The following KNDC1 variants were observed in gnomAD, a reference collection of about 807,000 sequenced individuals.
The protein encoded by KNDC1 is kinase non-catalytic C-lobe domain containing 1, also known as kinase non-catalytic C-lobe domain-containing protein 1.
A neutral mutation model predicts 172.8 loss-of-function variants in KNDC1; 106 were observed. The observed-to-expected ratio is 0.61, with a 90% CI of 0.52 to 0.72. The LOEUF (loss-of-function observed/expected upper bound fraction) is 0.72. Among genes scored for constraint, KNDC1 ranks in the 30% least tolerant of loss-of-function variants. KNDC1 has a pLI of 0.00. For missense variants in KNDC1, 2,325 were observed against 2,394.5 expected (o/e 0.97, Z 0.61); for synonymous variants, 1,083 against 1,062.2 (o/e 1.02, Z -0.38).
chr10:133,199,472 G>A lies in KNDC1; in HGVS notation c.2773G>A (p.Ala925Thr), dbSNP rs887053906. Reference protein sequence around the residue: ...EALIMGEYIFALKDLTFATFC... With the variant: ...EALIMGEYIFTLKDLTFATFC... ...TGCAAAACCAGGGGAGTACATCTTC[G>A]CCTTGAAAGATCTCACCTTTGCCAC... Residue 925 changes from alanine (A) to threonine (T), a missense_variant, in exon 15 of 30, where the codon GCC becomes ACC. By Grantham distance (58) the Ala-to-Thr change is moderately conservative. Transcript: ENST00000304613. 9.9e-6 allele frequency: 16 copies of A among 1,613,654 alleles called. No individual in the cohort carries two copies. The highest frequency in any genetic ancestry group is 1.3e-5 in the African/African-American group (1 of 74,928).
chr10:133,181,834 CCACACACACACA>C (rs369062586), intron 3 of KNDC1, among the ~76,000 whole-genome samples: 1 of 138,890 alleles, frequency 7.2e-6, no homozygotes, highest in African/African-American at 2.6e-5. Flanking sequence ...CCAGGACCGT[CCACACACACACA>C]CACACACACA....
At chr10:133,218,683 C>T in intron 26 of KNDC1, 148 bp from the exon 27 acceptor site, 1 of 1,033,186 alleles carries the variant, frequency 9.7e-7, no homozygotes, top group East Asian at 2.4e-5. Context: ...CACCGCTCAC[C>T]TGCGTCCACA....
chr10:133,183,395 G>A lies in KNDC1; in HGVS notation c.412G>A (p.Ala138Thr). ...ATLKAALEYVAEPTLEPRLSQ... is the reference protein window; with the variant it reads ...ATLKAALEYVTEPTLEPRLSQ... The stretch of plus-strand genomic sequence containing the variant: ...GCTGAAGGCCGCCCTCGAGTACGTG[G>A]CAGAGCCCACACTGGAACCCAGGCT... Residue 138 changes from alanine to threonine, a missense_variant, in exon 4 of 30, where the codon GCA (alanine) becomes ACA (threonine). Ala to Thr is a moderately conservative substitution (Grantham distance 58). Coordinates refer to ENST00000304613, the MANE Select transcript of KNDC1 (RefSeq NM_152643.8). 6.2e-7 allele frequency: 1 copy of A among 1,600,416 alleles called. No individual in the cohort carries two copies. Among genetic ancestry groups the A allele is most frequent in the Non-Finnish European group, 8.5e-7 (1 of 1,175,472 alleles).
At chr10:133,219,193 G>C (rs1845530558) in intron 28 of KNDC1, 103 bp downstream of exon 28, 3 of 1,382,026 alleles carry the variant, frequency 2.2e-6, no homozygotes, top group Middle Eastern at 2.5e-4. Flanking sequence ...GCACCACAGA[G>C]TGTGTGCAGG....
chr10:133,193,669 G>T (rs1283016069), intron 9 of KNDC1, among the ~76,000 whole-genome samples: 1 of 152,198 alleles, frequency 6.6e-6, no homozygotes, highest in Non-Finnish European at 1.5e-5. Flanking sequence ...ACCATGTACT[G>T]TCTACCAGAA....
chr10:133,178,588 T>C (rs1853625955), intron 3 of KNDC1, among the ~76,000 whole-genome samples: 1 of 152,132 alleles, frequency 6.6e-6, no homozygotes, highest in African/African-American at 2.4e-5. Context: ...GTCCCCCCTC[T>C]GCTGCCCGAA....
At chr10:133,189,479 G>T in intron 7 of KNDC1, 119 bp from the exon 8 acceptor site, 2 of 936,908 alleles carry the variant, frequency 2.1e-6, no homozygotes, top group South Asian at 1.5e-5. Context: ...GTGCGTGCCC[G>T]TGCAATGGGG....
At chr10:133,180,425 G>A (rs1244216641) in intron 3 of KNDC1, among the ~76,000 whole-genome samples, 4 of 152,268 alleles carry the variant, frequency 2.6e-5, no homozygotes, top group African/African-American at 7.2e-5. Flanking sequence ...CAAGGATAGC[G>A]TCTCAGGGGC....
rs1033468084 is a variant in KNDC1 at position 133,219,205 on chromosome 10, G to A, written c.4860+115G>A. 7 of 1,310,518 alleles carry A rather than the reference G, an allele frequency of 5.3e-6. No homozygotes were observed. In the Admixed American group the frequency reaches 1.5e-4, roughly 28 times the overall value. 81.2% of individuals were successfully genotyped at this position (1,310,518 alleles called of 1,614,324 possible). ...CAGGCACCACAGAGTGTGTGCAGGT[G>A]GCCCAGCCAGGGTGGCCTCACGGAG... On this transcript the variant is annotated intron_variant, in intron 28 of 29. Coordinates refer to ENST00000304613, the MANE Select transcript of KNDC1 (RefSeq NM_152643.8).
intron 29 of KNDC1, among the ~76,000 whole-genome samples, chr10:133,220,973 C>T (rs564333531): frequency 2.0e-5 from 3 of 152,224 alleles, no homozygotes; most frequent in African/African-American, 4.8e-5. Context: ...AGCCTCAGAC[C>T]TCCCTCTACC....
At chr10:133,195,310 G>A (rs12256986) in intron 9 of KNDC1, among the ~76,000 whole-genome samples, 63,359 of 152,010 alleles carry the variant, frequency 0.42, 14,611 homozygotes, top group South Asian at 0.65. Flanking sequence ...GGGGGCTCCC[G>A]GGTCCGTGAG....
chr10:133,213,514 T>C (rs1845413966), intron 24 of KNDC1, 131 bp from the exon 25 acceptor site: 1 of 734,540 alleles, frequency 1.4e-6, no homozygotes, highest in African/African-American at 1.7e-5. Context: ...CTGTGGACTG[T>C]TAGATGGGTA....
At chr10:133,164,754 G>A (rs570968075) in intron 1 of KNDC1, among the ~76,000 whole-genome samples, 16 of 146,686 alleles carry the variant, frequency 1.1e-4, no homozygotes, top group African/African-American at 2.9e-4. Context: ...CACAGCTCAG[G>A]ACTACAGGAC....
chr10:133,186,210 A>G lies in KNDC1; in HGVS notation c.862A>G (p.Thr288Ala), dbSNP rs1358190081. ...LAGLVLDAERTLGELDRDALR... is the reference protein window; with the variant it reads ...LAGLVLDAERALGELDRDALR... ...CGGCCTCGTCCTGGATGCCGAGCGC[A>G]CCCTCGGGGAGCTGGACAGAGACGC... The change falls in exon 6 of 30, where the codon ACC becomes GCC. Residue 288 changes from threonine (T) to alanine (A), a missense_variant. Coordinates refer to ENST00000304613, the MANE Select transcript of KNDC1 (RefSeq NM_152643.8). The G allele has an allele frequency of 1.9e-6, 3 of 1,572,170 alleles. No homozygotes were observed. Among genetic ancestry groups the G allele is most frequent in the Non-Finnish European group, 2.6e-6 (3 of 1,159,464 alleles).
intron 9 of KNDC1, among the ~76,000 whole-genome samples, chr10:133,192,018 G>A (rs1262193037): frequency 3.3e-5 from 5 of 152,206 alleles, no homozygotes; most frequent in Non-Finnish European, 2.9e-5. Flanking sequence ...ACCAGCAAGT[G>A]GAAACACATC....
At position 133,225,328 on chromosome 10, in the gene KNDC1, G is replaced by C. The variant is rs7089153; in HGVS notation, c.*438G>C. 193,565 of 194,810 alleles carry C rather than the reference G, an allele frequency of 0.99. 96,170 individuals carry two copies. The highest frequency in any genetic ancestry group is 1 in the East Asian group (6,222 of 6,222). 12.1% of individuals were successfully genotyped at this position (194,810 alleles called of 1,614,324 possible). ...CCTGAGCAGGTTTCTGAGCCAGCCT[G>C]GGTTGGCTGAGCAACGAAGGGCCAA... On this transcript the variant is annotated 3_prime_UTR_variant, in exon 30 of 30. Transcript: ENST00000304613.
In KNDC1 at chr10:133,188,452, C is replaced by T. The variant is rs192086379; in HGVS notation, c.1327-87C>T. 583 of 844,322 alleles carry T rather than the reference C, an allele frequency of 6.9e-4. 1 individual carries two copies. The highest frequency in any genetic ancestry group is 1.0e-3 in the Middle Eastern group (3 of 2,906). 52.3% of individuals were successfully genotyped at this position (844,322 alleles called of 1,614,324 possible). A position where few individuals can be genotyped will look rare whatever the true frequency, so the allele number is the denominator to read the frequency against. On this transcript the variant is annotated intron_variant, in intron 6 of 29. Transcript: ENST00000304613. ...TACTCAGGGGCTGAGTGGGCCTCAC[C>T]CTGGCCTGTCCCCCGGACATGCCTC... is the stretch of plus-strand genomic sequence containing the variant.
Position 133,193,165 on chromosome 10 carries a change from A to G in KNDC1, c.1576-2498A>G, listed in dbSNP as rs558608676. On this transcript the variant is annotated intron_variant, in intron 9 of 29. Transcript: ENST00000304613. ...AGTAACTGTAGAGGAAGTGCATAGC[A>G]TTTTTTTAAGTTCTGAAAGAACTTT... 2.4e-3 allele frequency among the ~76,000 whole-genome samples: 369 copies of G among 152,336 alleles called. 2 individuals carry two copies. Among genetic ancestry groups the G allele is most frequent in the African/African-American group, 8.0e-3 (332 of 41,572 alleles).
At chr10:133,189,143 G>A (rs1327815048) in intron 7 of KNDC1, among the ~76,000 whole-genome samples, 1 of 152,210 alleles carries the variant, frequency 6.6e-6, no homozygotes, top group African/African-American at 2.4e-5. Flanking sequence ...CAGACGGACG[G>A]TGCATCTGAG....
Sources: allele counts gnomAD v4.1 joint callset (sites outside exome capture counted in the v4.1 genomes callset), GRCh38; gene constraint gnomAD v4.1.1; transcripts MANE v1.5; gene names NCBI Gene and HGNC (gene_info 2026-07-23, HGNC 2026-07-21).